KCND2: variants seen among roughly 807,000 people sequenced by gnomAD.
KCND2 encodes potassium voltage-gated channel subfamily D member 2.
A neutral mutation model predicts 54.4 loss-of-function variants in KCND2; 16 were observed. The ratio of observed to expected loss-of-function variants is 0.29; its 90% CI spans 0.20 to 0.45. The LOEUF (loss-of-function observed/expected upper bound fraction) is 0.45, where lower values mean the gene tolerates loss of function less well. Ranked by LOEUF, KCND2 falls within the 20% of genes least tolerant of loss-of-function variation. KCND2 has a pLI of 1.00. For synonymous variants in KCND2, 317 were observed against 310.7 expected, an observed-to-expected ratio of 1.02 and a Z score of -0.21; for missense variants, 486 against 824.2, an observed-to-expected ratio of 0.59 and a Z score of 5.02.
intron 1 of KCND2, among the ~76,000 whole-genome samples, chr7:120,515,070 A>C (rs1191699100): frequency 1.3e-5 from 2 of 152,190 alleles, no homozygotes; most frequent in East Asian, 3.9e-4. Flanking sequence ...CCTCCAGCTT[A>C]TACTTTGCAT....
chr7:120,495,282 C>CT (rs1802833401), intron 1 of KCND2, among the ~76,000 whole-genome samples: 1 of 151,794 alleles, frequency 6.6e-6, no homozygotes, highest in Admixed American at 6.6e-5. Context: ...CAAACATTTC[C>CT]TTTTTTAAAA....
At chr7:120,528,262 A>C (rs1326540691) in intron 1 of KCND2, among the ~76,000 whole-genome samples, 2 of 152,118 alleles carry the variant, frequency 1.3e-5, no homozygotes. Context: ...ATATAAAAGT[A>C]AATTTTAAAA....
chr7:120,308,757 C>T (rs926126025), intron 1 of KCND2, among the ~76,000 whole-genome samples: 1 of 152,094 alleles, frequency 6.6e-6, no homozygotes, highest in Non-Finnish European at 1.5e-5. Flanking sequence ...AAATTTTGTC[C>T]ATGGCCAATT....
At chr7:120,536,360 G>C (rs771043849) in intron 1 of KCND2, among the ~76,000 whole-genome samples, 1 of 152,130 alleles carries the variant, frequency 6.6e-6, no homozygotes, top group Non-Finnish European at 1.5e-5. Context: ...GATCACGGTG[G>C]TGTTCCCGAA....
At chr7:120,592,663 G>T (rs1792686337) in intron 1 of KCND2, among the ~76,000 whole-genome samples, 1 of 152,180 alleles carries the variant, frequency 6.6e-6, no homozygotes, top group African/African-American at 2.4e-5. Flanking sequence ...TCTTCATCAT[G>T]CATCAGTGTG....
At chr7:120,409,834 T>C (rs1028979035) in intron 1 of KCND2, among the ~76,000 whole-genome samples, 28 of 151,938 alleles carry the variant, frequency 1.8e-4, no homozygotes, top group African/African-American at 6.8e-4. Context: ...TTTCTCCATC[T>C]GTGGCTTGCT....
chr7:120,632,810 T>G (rs1463058724), intron 1 of KCND2, among the ~76,000 whole-genome samples: 1 of 152,150 alleles, frequency 6.6e-6, no homozygotes, highest in Non-Finnish European at 1.5e-5. Flanking sequence ...CTTGCTCTGT[T>G]ACCTTCAGAG....
intron 1 of KCND2, among the ~76,000 whole-genome samples, chr7:120,694,302 G>A (rs368888937): frequency 3.9e-5 from 6 of 152,144 alleles, no homozygotes; most frequent in African/African-American, 1.2e-4. Flanking sequence ...CCCTTTTAAT[G>A]TTGGACACCT....
intron 1 of KCND2, among the ~76,000 whole-genome samples, chr7:120,605,712 A>G (rs918896557): frequency 6.6e-6 from 1 of 152,206 alleles, no homozygotes; most frequent in Admixed American, 6.5e-5. Context: ...CATTTCCACA[A>G]ATCTTCCCCA....
intron 1 of KCND2, among the ~76,000 whole-genome samples, chr7:120,542,860 A>G (rs933493827): frequency 6.6e-6 from 1 of 152,272 alleles, no homozygotes; most frequent in South Asian, 2.1e-4. Context: ...ACTTGCTATC[A>G]GTCAGGCAAT....
chr7:120,665,087 C>A (rs1562902875), intron 1 of KCND2, among the ~76,000 whole-genome samples: 1 of 152,070 alleles, frequency 6.6e-6, no homozygotes, highest in East Asian at 1.9e-4. Flanking sequence ...GATTATTTTT[C>A]CAGAAAAGTG....
At chr7:120,314,081 A>G (rs2116319114) in intron 1 of KCND2, among the ~76,000 whole-genome samples, 1 of 151,782 alleles carries the variant, frequency 6.6e-6, no homozygotes, top group South Asian at 2.1e-4. Context: ...AAAAAAAAAA[A>G]GCCAACATCA....
chr7:120,279,233 T>G (rs1031352577), intron 1 of KCND2, among the ~76,000 whole-genome samples: 2 of 152,030 alleles, frequency 1.3e-5, no homozygotes, highest in African/African-American at 4.8e-5. Flanking sequence ...ACACATGATC[T>G]GGAAATTAGA....
Position 120,339,521 on chromosome 7 carries a change from G to A in KCND2, c.1115+63774G>A, listed in dbSNP as rs866586399. Among the ~76,000 whole-genome samples, 3 of 147,942 alleles carry A rather than the reference G, an allele frequency of 2.0e-5. No individual in the cohort carries two copies. In the Admixed American group the frequency reaches 2.0e-4, roughly 10 times the overall value. ...TAGAAGGCTGTGTGTGTGTGTGTGT[G>A]TGTGTGTGTGTGTGTGTGTCTGCGT... On this transcript the variant is annotated intron_variant, in intron 1 of 5. Coordinates refer to ENST00000331113, the MANE Select transcript of KCND2 (RefSeq NM_012281.3).
rs1174528214 is a variant in KCND2, at chr7:120,737,072, ACAC to A, written c.1278+4008_1278+4010del. On this transcript the variant is annotated intron_variant, in intron 2 of 5. Coordinates refer to ENST00000331113, the MANE Select transcript of KCND2 (RefSeq NM_012281.3). ...CACACACACACACACACACACACAC[ACAC>A]AAACAAAAAAAAAAAAAACAAAACA... 2.2e-3 allele frequency among the ~76,000 whole-genome samples: 315 copies of A among 140,126 alleles called. 5 individuals carry two copies. The highest frequency in any genetic ancestry group is 7.7e-3 in the African/African-American group (288 of 37,276). 91.9% of individuals were successfully genotyped at this position (140,126 alleles called of 152,430 possible).
chr7:120,345,015 C>A (rs1354533402), intron 1 of KCND2, among the ~76,000 whole-genome samples: 1 of 152,034 alleles, frequency 6.6e-6, no homozygotes, highest in East Asian at 1.9e-4. Flanking sequence ...TCAGCAAGGT[C>A]AAAGAGAGAA....
chr7:120,383,587 G>A (rs1800942540), intron 1 of KCND2, among the ~76,000 whole-genome samples: 1 of 152,070 alleles, frequency 6.6e-6, no homozygotes, highest in African/African-American at 2.4e-5. Context: ...TGAGCAAGAG[G>A]TCTTAACTTT....
At chr7:120,604,597 A>G (rs1019957494) in intron 1 of KCND2, among the ~76,000 whole-genome samples, 13 of 151,172 alleles carry the variant, frequency 8.6e-5, no homozygotes, top group African/African-American at 2.9e-4. Context: ...AGAGAATCCA[A>G]TTTAGATTCA....
intron 1 of KCND2, among the ~76,000 whole-genome samples, chr7:120,408,823 C>CTT (rs1801404093): frequency 6.6e-6 from 1 of 151,760 alleles, no homozygotes; most frequent in Non-Finnish European, 1.5e-5. Flanking sequence ...TCAAATAATT[C>CTT]CATAGTACAT....
Sources: allele counts gnomAD v4.1 joint callset (sites outside exome capture counted in the v4.1 genomes callset), GRCh38; gene constraint gnomAD v4.1.1; transcripts MANE v1.5; gene names NCBI Gene and HGNC (gene_info 2026-07-23, HGNC 2026-07-21).